ATP4A: variants seen among roughly 807,000 people sequenced by gnomAD.
ATP4A encodes potassium-transporting ATPase alpha chain 1.
In ATP4A, 73 loss-of-function variants were observed where a neutral mutation model predicts 112.1. That is an observed-to-expected ratio of 0.65 (90% CI 0.54 to 0.79). The LOEUF (loss-of-function observed/expected upper bound fraction) is 0.79, where lower values mean the gene tolerates loss of function less well. ATP4A is among the 30% of genes least tolerant of loss of function. ATP4A has a pLI of 0.00. For missense variants in ATP4A, 1,081 were observed against 1,425.9 expected (o/e 0.76, Z 3.90); for synonymous variants, 588 against 588.9 (o/e 1.00, Z 0.02).
rs1439349658 is a variant in ATP4A at position 35,557,992 on chromosome 19, G to C, written c.1501-145C>G. The C allele has an allele frequency of 1.6e-5, 11 of 708,058 alleles. No homozygotes were observed. In the South Asian group the frequency reaches 2.1e-4, roughly 14 times the overall value. The allele number at this position is 708,058 out of a possible 1,614,324, so 43.9% of individuals were successfully genotyped here. A position where few individuals can be genotyped will look rare whatever the true frequency, so the allele number is the denominator to read the frequency against. The stretch of plus-strand genomic sequence containing the variant: ...GCTGCGGGGAAGGGTGAAGGTGGAA[G>C]ATGGAGGCCTTGTGTGGAGGGGTCC... On this transcript the variant is annotated intron_variant, in intron 10 of 21. Coordinates refer to ENST00000262623, the MANE Select transcript of ATP4A (RefSeq NM_000704.3). The surrounding 1 kb of genome is among the most constrained non-coding windows in gnomAD (Gnocchi z 4.4).
chr19:35,553,949 T>C (rs892006804), intron 16 of ATP4A, 120 bp from the exon 17 acceptor site: 8 of 1,396,072 alleles, frequency 5.7e-6, no homozygotes, highest in African/African-American at 2.9e-5. Flanking sequence ...AGGCAGGACC[T>C]GCAGGGACGG....
chr19:35,553,034 C>A lies in ATP4A; in HGVS notation c.2751+3G>T. 1 of 1,593,922 alleles carries A rather than the reference C, an allele frequency of 6.3e-7. No homozygotes were observed. Among genetic ancestry groups the A allele is most frequent in the Non-Finnish European group, 8.6e-7 (1 of 1,164,614 alleles). ...GGATGGGATGGGGCGGGGCAGGGCTCACCCACTCCTGGCCGTAGCTGTCCT... is the reference window on the plus strand; with the variant it reads ...GGATGGGATGGGGCGGGGCAGGGCTAACCCACTCCTGGCCGTAGCTGTCCT... On this transcript the variant is annotated splice_donor_region_variant and intron_variant, in intron 18 of 21. Coordinates refer to ENST00000262623, the MANE Select transcript of ATP4A (RefSeq NM_000704.3).
Position 35,559,210 on chromosome 19 carries a change from C to T in ATP4A, c.1057-19G>A. 6.2e-7 allele frequency: 1 copy of T among 1,612,798 alleles called. No individual in the cohort carries two copies. The highest frequency in any genetic ancestry group is 8.5e-7 in the Non-Finnish European group (1 of 1,179,706). On this transcript the variant is annotated intron_variant, in intron 7 of 21. Coordinates refer to ENST00000262623, the MANE Select transcript of ATP4A (RefSeq NM_000704.3). The surrounding 1 kb of genome is among the most constrained non-coding windows in gnomAD (Gnocchi z 4.1). Reference sequence around the variant, plus strand: ...GGCAGACCTGGGGAAGGGGTGAGCACCGCAGGCTGGGGACCCACCCTGGCT... The same window carrying T: ...GGCAGACCTGGGGAAGGGGTGAGCATCGCAGGCTGGGGACCCACCCTGGCT...
Position 35,557,806 on chromosome 19 carries a change from G to A in ATP4A, c.1542C>T (p.His514=), listed in dbSNP as rs1370941499. Residue 514 remains histidine (H), a synonymous_variant, in exon 11 of 22, where the codon CAC becomes CAT. Transcript: ENST00000262623. This position sits in a 1 kb window ranked among gnomAD's most constrained non-coding sequence, Gnocchi z 4.4. ...HTLEDPRDPR[H]LLVMKGAPER... ...CGGGGGCGCCCTTCATCACCAGCAA[G>A]TGTCGCGGGTCCCGCGGGTCCTCCA... 6.4e-7 allele frequency: 1 copy of A among 1,569,648 alleles called. No homozygotes were observed. Among genetic ancestry groups the A allele is most frequent in the South Asian group, 1.1e-5 (1 of 87,846 alleles).
At position 35,555,318 on chromosome 19, in the gene ATP4A, A is replaced by G; in HGVS notation, c.2174T>C (p.Val725Ala). 1.2e-6 allele frequency: 2 copies of G among 1,613,848 alleles called. No individual in the cohort carries two copies. The highest frequency in any genetic ancestry group is 1.7e-6 in the Non-Finnish European group (2 of 1,179,860). ...SCQRLGAIVA[V>A]TGDGVNDSPA... is the part of the protein sequence containing the mutation. ...GGAGTCATTCACACCATCCCCCGTG[A>G]CGGCCACAATCGCACCCTGCAGGCA... The change falls in exon 15 of 22, where the codon GTC (valine) becomes GCC (alanine). Residue 725 changes from valine to alanine, a missense_variant. Coordinates refer to ENST00000262623, the MANE Select transcript of ATP4A (RefSeq NM_000704.3). This position sits in a 1 kb window ranked among gnomAD's most constrained non-coding sequence, Gnocchi z 6.6.
Position 35,551,328 on chromosome 19 carries a change from A to T in ATP4A, c.2885+119T>A. 1 of 1,511,432 alleles carries T rather than the reference A, an allele frequency of 6.6e-7. No homozygotes were observed. 93.6% of individuals were successfully genotyped at this position (1,511,432 alleles called of 1,614,324 possible). On this transcript the variant is annotated intron_variant, in intron 19 of 21. Transcript: ENST00000262623. The surrounding 1 kb of genome is among the most constrained non-coding windows in gnomAD (Gnocchi z 5.2). The stretch of plus-strand genomic sequence containing the variant: ...GGCCAGTTAGAAAGGTTTTTTTGGC[A>T]TGTCACCATCTGGCACTGGCACCCG...
Position 35,563,112 on chromosome 19 carries a change from C to T in ATP4A, c.216+97G>A, listed in dbSNP as rs551409241. On this transcript the variant is annotated intron_variant, in intron 3 of 21. Coordinates refer to ENST00000262623, the MANE Select transcript of ATP4A (RefSeq NM_000704.3). ...TCTCCATATCTTCCTCTCTTCATCT[C>T]TCCCTCTCTCTCCCTCTCTCCATCT... 18 of 1,364,280 alleles carry T rather than the reference C, an allele frequency of 1.3e-5. No homozygotes were observed. In the East Asian group the frequency reaches 4.4e-4, roughly 33 times the overall value. 84.5% of individuals were successfully genotyped at this position (1,364,280 alleles called of 1,614,324 possible). A position where few individuals can be genotyped will look rare whatever the true frequency, so the allele number is the denominator to read the frequency against.
At chr19:35,553,288 G>A (rs1568313186) in intron 17 of ATP4A, 106 bp from the exon 18 acceptor site, 2 of 1,338,216 alleles carry the variant, frequency 1.5e-6, no homozygotes, top group South Asian at 1.4e-5. Flanking sequence ...CAAAGGTCAA[G>A]GACACACAGA....
At chr19:35,556,451 A>G (rs555077987) in intron 12 of ATP4A, among the ~76,000 whole-genome samples, 73 of 152,314 alleles carry the variant, frequency 4.8e-4, no homozygotes, top group African/African-American at 1.7e-3. Flanking sequence ...CATCAGTTGC[A>G]GTGAGGTCCC....
In ATP4A at chr19:35,558,434, G is replaced by A. The variant is rs142110899; in HGVS notation, c.1428C>T (p.Gly476=). ...AGCGGTCCCGGTAGCCCATGGCGTT[G>A]CCCAGCGTCAGCTCCGAGAACTTGA... is the stretch of plus-strand genomic sequence containing the variant. ...ALLKFSELTL[G]NAMGYRDRFP... Residue 476 remains glycine (G), a synonymous_variant, in exon 10 of 22, where the codon GGC becomes GGT. Transcript: ENST00000262623. The surrounding 1 kb of genome is among the most constrained non-coding windows in gnomAD (Gnocchi z 5.1). 7.2e-4 allele frequency: 1,159 copies of A among 1,607,330 alleles called. 4 individuals are homozygous for A. The highest frequency in any genetic ancestry group is 5.8e-3 in the Middle Eastern group (35 of 6,054).
intron 17 of ATP4A, among the ~76,000 whole-genome samples, 195 bp downstream of exon 17, chr19:35,553,509 CAG>C (rs1443523311): frequency 2.3e-4 from 35 of 152,176 alleles, no homozygotes; most frequent in Admixed American, 2.2e-3. Context: ...AGAGCAAGGT[CAG>C]AGAGAGAGCA....
At chr19:35,562,949 C>G (rs1458200114) in intron 3 of ATP4A, among the ~76,000 whole-genome samples, 1 of 151,784 alleles carries the variant, frequency 6.6e-6, no homozygotes, top group Admixed American at 6.6e-5. Flanking sequence ...CACCCTTTCT[C>G]TCTAATGCTT....
chr19:35,558,291 T>A lies in ATP4A; in HGVS notation c.1500+71A>T. Reference sequence around the variant, plus strand: ...AGGAGCGAAGCCCCTCGTGGCCCGCTGATGTGGGTGTGGCCTGGGGCGGGG... The same window carrying A: ...AGGAGCGAAGCCCCTCGTGGCCCGCAGATGTGGGTGTGGCCTGGGGCGGGG... On this transcript the variant is annotated intron_variant, in intron 10 of 21. Coordinates refer to ENST00000262623, the MANE Select transcript of ATP4A (RefSeq NM_000704.3). The surrounding 1 kb of genome is among the most constrained non-coding windows in gnomAD (Gnocchi z 5.1). 1 of 1,526,146 alleles carries A rather than the reference T, an allele frequency of 6.6e-7. No homozygotes were observed. 94.5% of individuals were successfully genotyped at this position (1,526,146 alleles called of 1,614,324 possible). A position where few individuals can be genotyped will look rare whatever the true frequency, so the allele number is the denominator to read the frequency against.
chr19:35,558,506 G>A lies in ATP4A; in HGVS notation c.1366-10C>T, dbSNP rs903576353. 6.3e-7 allele frequency: 1 copy of A among 1,592,450 alleles called. No individual in the cohort carries two copies. Among genetic ancestry groups the A allele is most frequent in the South Asian group, 1.1e-5 (1 of 87,776 alleles). On this transcript the variant is annotated splice_polypyrimidine_tract_variant and intron_variant, in intron 9 of 21. Coordinates refer to ENST00000262623, the MANE Select transcript of ATP4A (RefSeq NM_000704.3). The surrounding 1 kb of genome is among the most constrained non-coding windows in gnomAD (Gnocchi z 5.1). ...CTCCAATCACGATGCGCTGGGAGCG[G>A]GGACCGGTGTCAGGGGCGAAGCCGG...
In ATP4A at chr19:35,557,894, G is replaced by T. The variant is rs759306040; in HGVS notation, c.1501-47C>A. 1 of 1,256,122 alleles carries T rather than the reference G, an allele frequency of 8.0e-7. No individual in the cohort carries two copies. Among genetic ancestry groups the T allele is most frequent in the Non-Finnish European group, 1.1e-6 (1 of 941,840 alleles). 77.8% of individuals were successfully genotyped at this position (1,256,122 alleles called of 1,614,324 possible). The stretch of plus-strand genomic sequence containing the variant: ...GAGGCTGTGGACGGGGGAACGGGGC[G>T]GGGCTGTGGACGAGGGAACGGGGCG... On this transcript the variant is annotated intron_variant, in intron 10 of 21. Coordinates refer to ENST00000262623, the MANE Select transcript of ATP4A (RefSeq NM_000704.3). This position sits in a 1 kb window ranked among gnomAD's most constrained non-coding sequence, Gnocchi z 4.4.
In ATP4A at chr19:35,553,800, C is replaced by A. The variant is rs757868416; in HGVS notation, c.2511G>T (p.Lys837Asn). 8 of 1,595,138 alleles carry A rather than the reference C, an allele frequency of 5.0e-6. No homozygotes were observed. The highest frequency in any genetic ancestry group is 6.8e-6 in the Non-Finnish European group (8 of 1,170,896). ...IFPSVSLAYE[K>N]AESDIMHLRP... ...GCAGGTGCATGATGTCACTCTCGGC[C>A]TTTTCATATGCCAGGGACACAGATG... is the stretch of plus-strand genomic sequence containing the variant. Residue 837 changes from lysine (K) to asparagine (N), a missense_variant, in exon 17 of 22, where the codon AAG (lysine) becomes AAT (asparagine). Coordinates refer to ENST00000262623, the MANE Select transcript of ATP4A (RefSeq NM_000704.3).
In ATP4A at chr19:35,560,522, C is replaced by G; in HGVS notation, c.628G>C (p.Val210Leu). The G allele has an allele frequency of 2.5e-6, 4 of 1,613,638 alleles. No homozygotes were observed. Among genetic ancestry groups the G allele is most frequent in the Non-Finnish European group, 3.4e-6 (4 of 1,180,014 alleles). Residue 210 changes from valine (V) to leucine (L), a missense_variant, in exon 6 of 22, where the codon GTG (valine) becomes CTG (leucine). By Grantham distance (32) the Val-to-Leu change is conservative (BLOSUM62 1). Coordinates refer to ENST00000262623, the MANE Select transcript of ATP4A (RefSeq NM_000704.3). The surrounding 1 kb of genome is among the most constrained non-coding windows in gnomAD (Gnocchi z 5.1). ...GCCAGGATGCGGATGTCGGCGGGCA[C>G]TCTGTCCCCACCTTTCATCTCCACC... ...DLVEMKGGDR[V>L]PADIRILAAQ...
intron 17 of ATP4A, 86 bp downstream of exon 17, chr19:35,553,620 C>A: frequency 6.5e-7 from 1 of 1,546,538 alleles, no homozygotes; most frequent in Non-Finnish European, 8.7e-7. Context: ...CCAGAACCAG[C>A]CGGAGCCCAA....
Position 35,559,910 on chromosome 19 carries a change from A to G in ATP4A, c.951T>C (p.Phe317=). 6.2e-7 allele frequency: 1 copy of G among 1,614,214 alleles called. No individual in the cohort carries two copies. The highest frequency in any genetic ancestry group is 8.5e-7 in the Non-Finnish European group (1 of 1,180,028). Residue 317 remains phenylalanine (F), a synonymous_variant, in exon 7 of 22, where the codon TTT becomes TTC. Coordinates refer to ENST00000262623, the MANE Select transcript of ATP4A (RefSeq NM_000704.3). The surrounding 1 kb of genome is among the most constrained non-coding windows in gnomAD (Gnocchi z 4.1). ...AGLAILFGAT[F]FIVAMCIGYT... ...AGCCAATGCACATGGCCACAATAAA[A>G]AATGTGGCACCGAAGAGAATGGCCA...
Sources: gnomAD v4.1 joint callset for allele counts (sites outside exome capture counted in the v4.1 genomes callset) on GRCh38, gnomAD v4.1.1 for gene constraint, Gnocchi (gnomAD v3.1) non-coding constraint, MANE v1.5 for transcripts, NCBI Gene and HGNC (gene_info 2026-07-23, HGNC 2026-07-21) for gene names.